The following DRD3 variants were observed in gnomAD, a reference collection of about 807,000 sequenced individuals.
The protein encoded by DRD3 is D(3) dopamine receptor.
A neutral mutation model predicts 36.3 loss-of-function variants in DRD3; 19 were observed. The ratio of observed to expected loss-of-function variants is 0.52; its 90% CI spans 0.36 to 0.77. The LOEUF is 0.77. Among genes scored for constraint, DRD3 ranks in the 30% least tolerant of loss-of-function variants. The pLI, the probability that DRD3 is intolerant of heterozygous loss-of-function variation, is 0.00. For synonymous variants in DRD3, 195 were observed against 203.7 expected (o/e 0.96, Z 0.36); for missense variants, 465 against 505.3 (o/e 0.92, Z 0.77).
chr3:114,159,020 G>T (rs2077707749), intron 3 of DRD3, among the ~76,000 whole-genome samples: 1 of 152,092 alleles, frequency 6.6e-6, no homozygotes, highest in Non-Finnish European at 1.5e-5. Flanking sequence ...AAAGGGGAAA[G>T]AAGAGAGGAA....
intron 3 of DRD3, among the ~76,000 whole-genome samples, chr3:114,150,769 C>T (rs1455670864): frequency 6.6e-6 from 1 of 152,178 alleles, no homozygotes. Context: ...ATGCTGGGCT[C>T]GAAGGGATCG....
chr3:114,131,025 G>T lies in DRD3; in HGVS notation c.1006+93C>A, dbSNP rs1176867544. Reference sequence around the variant, plus strand: ...TTGTGAACATTTGATAAGTATTACTGTCATCAAATTTCCGATAGCATCTTC... The same window carrying T: ...TTGTGAACATTTGATAAGTATTACTTTCATCAAATTTCCGATAGCATCTTC... On this transcript the variant is annotated intron_variant, in intron 6 of 6. Transcript: ENST00000383673. 5.8e-6 allele frequency: 8 copies of T among 1,384,906 alleles called. No homozygotes were observed. In the African/African-American group the frequency reaches 1.0e-4, roughly 17 times the overall value. 85.8% of individuals were successfully genotyped at this position (1,384,906 alleles called of 1,614,324 possible).
chr3:114,147,528 T>C lies in DRD3; in HGVS notation c.413A>G (p.Tyr138Cys), dbSNP rs969758632. ...RYTAVVMPVHYQHGTGQSSCR... is the reference protein window; with the variant it reads ...RYTAVVMPVHCQHGTGQSSCR... Reference sequence around the variant, plus strand: ...GGAGCTCTGTCCCGTGCCATGCTGGTAGTGAACGGGCATGACCACTGCAGT... The same window carrying C: ...GGAGCTCTGTCCCGTGCCATGCTGGCAGTGAACGGGCATGACCACTGCAGT... The change falls in exon 4 of 7, where the codon TAC (tyrosine) becomes TGC (cysteine). Residue 138 changes from tyrosine to cysteine, a missense_variant. Physicochemically the swap from Tyr to Cys is radical, Grantham distance 194. Transcript: ENST00000383673. The C allele has an allele frequency of 1.2e-6, 2 of 1,614,054 alleles. No homozygotes were observed. Among genetic ancestry groups the C allele is most frequent in the Non-Finnish European group, 1.7e-6 (2 of 1,179,978 alleles).
chr3:114,143,761 T>A (rs993168558), intron 4 of DRD3, among the ~76,000 whole-genome samples: 1 of 152,226 alleles, frequency 6.6e-6, no homozygotes, highest in Admixed American at 6.5e-5. Context: ...ATAGCACTCC[T>A]CCATTTCCTT....
chr3:114,159,295 TC>T (rs2107865426), intron 3 of DRD3, among the ~76,000 whole-genome samples: 1 of 151,300 alleles, frequency 6.6e-6, no homozygotes, highest in Admixed American at 6.6e-5. Flanking sequence ...TCTCTCCCCC[TC>T]AAAAATTATC....
At chr3:114,197,418 G>A (rs1357430329) in intron 1 of DRD3, among the ~76,000 whole-genome samples, 1 of 150,810 alleles carries the variant, frequency 6.6e-6, no homozygotes, top group Non-Finnish European at 1.5e-5. Flanking sequence ...ACTGCATCTG[G>A]CCAATAGTGT....
chr3:114,164,792 G>A (rs1311515603), intron 2 of DRD3, among the ~76,000 whole-genome samples: 5 of 152,068 alleles, frequency 3.3e-5, no homozygotes, highest in African/African-American at 7.2e-5. Flanking sequence ...TCGCGCTGTC[G>A]CCCGGCTGGA....
intron 5 of DRD3, among the ~76,000 whole-genome samples, chr3:114,139,098 G>C (rs532200110): frequency 6.6e-6 from 1 of 152,306 alleles, no homozygotes; most frequent in South Asian, 2.1e-4. Context: ...GGCTTTGATG[G>C]ACCCCAGTGA....
chr3:114,137,179 G>A (rs2077481910), intron 5 of DRD3, among the ~76,000 whole-genome samples: 1 of 152,218 alleles, frequency 6.6e-6, no homozygotes, highest in East Asian at 1.9e-4. Flanking sequence ...ATCAAGATAA[G>A]CCAGTATTGT....
chr3:114,179,073 T>C (rs2077930133), upstream of DRD3: 1 of 152,200 alleles, frequency 6.6e-6, no homozygotes, highest in Non-Finnish European at 1.5e-5. Context: ...CTGTGCTTTT[T>C]AGTACATGTA....
chr3:114,175,594 C>A (rs1423626735), intron 1 of DRD3, among the ~76,000 whole-genome samples: 1 of 152,182 alleles, frequency 6.6e-6, no homozygotes, highest in African/African-American at 2.4e-5. Flanking sequence ...ACTACCTGAA[C>A]AATCACGGTT....
intron 3 of DRD3, among the ~76,000 whole-genome samples, chr3:114,154,510 CA>C (rs1261607378): frequency 6.6e-6 from 1 of 152,146 alleles, no homozygotes; most frequent in African/African-American, 2.4e-5. Flanking sequence ...TTTGGTCAGA[CA>C]GGGGGCTCAA....
At chr3:114,165,011 G>T (rs530933708) in intron 2 of DRD3, among the ~76,000 whole-genome samples, 1 of 152,168 alleles carries the variant, frequency 6.6e-6, no homozygotes, top group Non-Finnish European at 1.5e-5. Flanking sequence ...TCGGCCTCCC[G>T]AAGTGCTGAG....
chr3:114,182,782 C>T (rs1306177831), upstream of DRD3, among the ~76,000 whole-genome samples: 1 of 152,094 alleles, frequency 6.6e-6, no homozygotes, highest in African/African-American at 2.4e-5. Flanking sequence ...GCTTATTTCA[C>T]TTAGCATAAT....
chr3:114,147,111 G>T (rs968246304), intron 4 of DRD3, among the ~76,000 whole-genome samples: 1 of 151,690 alleles, frequency 6.6e-6, no homozygotes, highest in Non-Finnish European at 1.5e-5. Flanking sequence ...ATATATCTTG[G>T]TTTTTTTAAC....
chr3:114,128,774 A>C lies in DRD3; in HGVS notation c.1145T>G (p.Ile382Ser). The C allele has an allele frequency of 6.2e-7, 1 of 1,613,760 alleles. No individual in the cohort carries two copies. Among genetic ancestry groups the C allele is most frequent in the African/African-American group, 1.3e-5 (1 of 74,998 alleles). ...GYVNSALNPV[I>S]YTTFNIEFRK... ...GAACTCGATATTGAAGGTGGTATAG[A>C]TCACAGGGTTGAGGGCGCTATTCAC... The change falls in exon 7 of 7, where the codon ATC becomes AGC. Residue 382 changes from isoleucine to serine, a missense_variant. Coordinates refer to ENST00000383673, the MANE Select transcript of DRD3 (RefSeq NM_000796.6).
intron 3 of DRD3, among the ~76,000 whole-genome samples, chr3:114,150,413 C>T (rs1035076015): frequency 6.6e-6 from 1 of 152,232 alleles, no homozygotes; most frequent in African/African-American, 2.4e-5. Context: ...AGCTGTCTTG[C>T]CTCATGACTG....
chr3:114,163,019 G>A (rs572062957), intron 2 of DRD3, among the ~76,000 whole-genome samples: 74 of 152,310 alleles, frequency 4.9e-4, no homozygotes, highest in Middle Eastern at 3.4e-3. Context: ...AGCCCCCAAA[G>A]GACAAAGCCC....
chr3:114,159,984 GT>G (rs1426173060), intron 2 of DRD3, 117 bp from the exon 3 acceptor site: 4 of 826,338 alleles, frequency 4.8e-6, no homozygotes, highest in Admixed American at 2.1e-5. Context: ...TACTCCCTGT[GT>G]ACCGTTGTTC....
Sources: allele counts gnomAD v4.1 joint callset (sites outside exome capture counted in the v4.1 genomes callset), GRCh38; gene constraint gnomAD v4.1.1; transcripts MANE v1.5; gene names NCBI Gene and HGNC (gene_info 2026-07-23, HGNC 2026-07-21).